Variants in SERAC1 observed in about 807,000 individuals in gnomAD.
SERAC1 encodes the protein protein SERAC1.
Under a neutral mutation model 85.7 loss-of-function variants are expected in SERAC1, and 36 were observed. The observed-to-expected ratio is 0.42, with a 90% CI of 0.32 to 0.55. SERAC1 has a LOEUF of 0.55. Ranked by LOEUF, SERAC1 falls within the 20% of genes least tolerant of loss-of-function variation. The pLI is 0.11. For missense variants in SERAC1, 629 were observed against 796.2 expected (o/e 0.79, Z 2.53); for synonymous variants, 242 against 265.3 (o/e 0.91, Z 0.85).
intron 1 of SERAC1, among the ~76,000 whole-genome samples, chr6:158,163,247 G>C (rs981219157): frequency 2.6e-5 from 4 of 152,130 alleles, no homozygotes; most frequent in African/African-American, 9.7e-5. Flanking sequence ...TAGCCTTTGG[G>C]ATGGTTTATA....
Position 158,141,975 on chromosome 6 carries a change from T to A in SERAC1, c.738+1081A>T, listed in dbSNP as rs140421204. 9.4e-3 allele frequency among the ~76,000 whole-genome samples: 1,405 copies of A among 150,054 alleles called. 25 individuals carry two copies. Among genetic ancestry groups the A allele is most frequent in the African/African-American group, 0.033 (1,305 of 39,626 alleles). ...TAATTGGTCAAAGAATATAAAACAC[T>A]GATTTTTTTTTTTTTACTGACAAAA... On this transcript the variant is annotated intron_variant, in intron 8 of 16. Coordinates refer to ENST00000647468, the MANE Select transcript of SERAC1 (RefSeq NM_032861.4).
At position 158,120,549 on chromosome 6, in the gene SERAC1, T is replaced by C. The variant is rs771747751; in HGVS notation, c.1042A>G (p.Met348Val). 5.0e-6 allele frequency: 8 copies of C among 1,613,888 alleles called. No homozygotes were observed. The highest frequency in any genetic ancestry group is 1.1e-5 in the South Asian group (1 of 91,058). The change falls in exon 11 of 17, where the codon ATG becomes GTG. Residue 348 changes from methionine to valine, a missense_variant. Met to Val is a conservative substitution (Grantham distance 21). Coordinates refer to ENST00000647468, the MANE Select transcript of SERAC1 (RefSeq NM_032861.4). This position sits in a 1 kb window ranked among gnomAD's most constrained non-coding sequence, Gnocchi z 4.4. ...GACTCCATAATGTGGGGAGATTTCA[T>C]TGCTTCTGCCATGATGGAAACCCAG... ...SGWVSIMAEA[M>V]KSPHIMESSH...
At chr6:158,145,487 C>A (rs1475384839) in intron 6 of SERAC1, 4 of 150,956 alleles carry the variant, frequency 2.6e-5, no homozygotes, top group Admixed American at 1.3e-4. Flanking sequence ...TTGCAGAGAT[C>A]TCATTCTGAG....
rs749475334 is a variant in SERAC1, at chr6:158,119,050, T to C, written c.1287A>G (p.Arg429=). The C allele has an allele frequency of 4.3e-6, 7 of 1,613,352 alleles. No homozygotes were observed. The South Asian group carries it at 7.7e-5, about 18-fold the overall frequency. The change falls in exon 12 of 17, where the codon AGA becomes AGG. Residue 429 remains arginine, a synonymous_variant. Transcript: ENST00000647468. The surrounding 1 kb of genome is among the most constrained non-coding windows in gnomAD (Gnocchi z 4.5). The part of the protein sequence containing the change: ...VIEKPMEDED[R]YTTCWPKTWL... ...TTACCTTGGGCCAGCACGTCGTATA[T>C]CTGTCTTCATCCTCCATAGGTTTTT...
At chr6:158,153,054 A>C (rs557086702) in intron 3 of SERAC1, among the ~76,000 whole-genome samples, 28 of 152,164 alleles carry the variant, frequency 1.8e-4, no homozygotes, top group Non-Finnish European at 3.1e-4. Flanking sequence ...AGAAACCCAC[A>C]ATGTGTCCCT....
At chr6:158,163,441 T>C (rs955771428) in intron 1 of SERAC1, among the ~76,000 whole-genome samples, 3 of 152,204 alleles carry the variant, frequency 2.0e-5, no homozygotes, top group Non-Finnish European at 4.4e-5. Flanking sequence ...CTCATGCCTA[T>C]AATCCCAGTG....
At chr6:158,126,329 A>G (rs1784538586) in intron 10 of SERAC1, among the ~76,000 whole-genome samples, 1 of 152,204 alleles carries the variant, frequency 6.6e-6, no homozygotes, top group Non-Finnish European at 1.5e-5. Context: ...TGCCTCCCCA[A>G]AATAATGTGG....
At position 158,114,736 on chromosome 6, in the gene SERAC1, T is replaced by C. The variant is rs558658445; in HGVS notation, c.1684+53A>G. The C allele has an allele frequency of 6.2e-6, 10 of 1,606,750 alleles. No homozygotes were observed. The African/African-American group carries it at 1.3e-4, about 22-fold the overall frequency. ...AAGGAAGAAACTTTTTCTTCTTCTC[T>C]GTGTAACTGATGTTAATATAACCCC... On this transcript the variant is annotated intron_variant, in intron 15 of 16. Coordinates refer to ENST00000647468, the MANE Select transcript of SERAC1 (RefSeq NM_032861.4).
At chr6:158,122,129 T>A (rs1784436524) in intron 10 of SERAC1, among the ~76,000 whole-genome samples, 1 of 152,238 alleles carries the variant, frequency 6.6e-6, no homozygotes, top group Non-Finnish European at 1.5e-5. Context: ...TCTACAGTGT[T>A]CAGTACAGTA....
rs752188907 is a variant in SERAC1, at chr6:158,144,341, A to G, written c.567T>C (p.Leu189=). ...AAGGAGGTGGTAGGAGAAAAAAGCGAAGATCACTCTCTTCGCTTCGTGCCA... is the reference window on the plus strand; with the variant it reads ...AAGGAGGTGGTAGGAGAAAAAAGCGGAGATCACTCTCTTCGCTTCGTGCCA... ...IGLARSEESD[L]RFFLLPPPLP... Residue 189 remains leucine, a synonymous_variant, in exon 7 of 17, where the codon CTT becomes CTC. Transcript: ENST00000647468. 1.2e-6 allele frequency: 2 copies of G among 1,613,430 alleles called. No homozygotes were observed. Among genetic ancestry groups the G allele is most frequent in the African/African-American group, 2.7e-5 (2 of 74,926 alleles).
chr6:158,166,900 T>A (rs539813156), intron 1 of SERAC1, among the ~76,000 whole-genome samples: 45 of 152,290 alleles, frequency 3.0e-4, no homozygotes, highest in African/African-American at 1.0e-3. Flanking sequence ...ATGGTACTTA[T>A]TCCTTAACTG....
intron 9 of SERAC1, among the ~76,000 whole-genome samples, chr6:158,130,133 T>A (rs1784641583): frequency 6.6e-6 from 1 of 152,260 alleles, no homozygotes; most frequent in Non-Finnish European, 1.5e-5. Context: ...GATGATAGGC[T>A]GCTTTCTTTT....
chr6:158,147,543 G>A (rs1236796933), intron 5 of SERAC1, among the ~76,000 whole-genome samples: 28 of 150,540 alleles, frequency 1.9e-4, no homozygotes, highest in African/African-American at 6.1e-4. Context: ...GGCGGATCAC[G>A]AGGTCAGGAG....
In SERAC1 at chr6:158,120,526, C is replaced by T. The variant is rs1177329334; in HGVS notation, c.1065G>A (p.Glu355=). 1 of 1,613,998 alleles carries T rather than the reference C, an allele frequency of 6.2e-7. No homozygotes were observed. Among genetic ancestry groups the T allele is most frequent in the Non-Finnish European group, 8.5e-7 (1 of 1,179,960 alleles). The change falls in exon 11 of 17, where the codon GAG becomes GAA. Residue 355 remains glutamate, a synonymous_variant. Coordinates refer to ENST00000647468, the MANE Select transcript of SERAC1 (RefSeq NM_032861.4). This position sits in a 1 kb window ranked among gnomAD's most constrained non-coding sequence, Gnocchi z 4.4. ...CCAGGATTCTGGCAGCGTGTGAGGA[C>T]TCCATAATGTGGGGAGATTTCATTG... The part of the protein sequence containing the change: ...AEAMKSPHIM[E]SSHAARILAN...
chr6:158,114,479 G>T, intron 15 of SERAC1: 1 of 1,130,876 alleles, frequency 8.8e-7, no homozygotes, highest in African/African-American at 1.6e-5. Context: ...ACTCATGGGG[G>T]AAAAAAGCCA....
intron 8 of SERAC1, among the ~76,000 whole-genome samples, chr6:158,141,779 T>C (rs149661177): frequency 4.1e-4 from 63 of 152,328 alleles, no homozygotes; most frequent in African/African-American, 1.3e-3. Context: ...GAAAGGGCTA[T>C]AGAGGCCAGA....
At chr6:158,140,428 G>A (rs919559739) in intron 8 of SERAC1, among the ~76,000 whole-genome samples, 3 of 152,232 alleles carry the variant, frequency 2.0e-5, no homozygotes, top group Non-Finnish European at 4.4e-5. Context: ...AACCCGTGGA[G>A]ATGTCTGGAG....
At chr6:158,128,355 A>AG (rs1784596006) in intron 9 of SERAC1, 85 bp from the exon 10 acceptor site, 1 of 1,353,040 alleles carries the variant, frequency 7.4e-7, no homozygotes. Context: ...GGGGACAGCT[A>AG]GGTAGCTCCC....
chr6:158,124,417 G>C (rs1464563700), intron 10 of SERAC1, among the ~76,000 whole-genome samples: 1 of 152,144 alleles, frequency 6.6e-6, no homozygotes, highest in Non-Finnish European at 1.5e-5. Flanking sequence ...TGGCAGGAAA[G>C]TTTCTACATT....
Sources: allele counts gnomAD v4.1 joint callset (sites outside exome capture counted in the v4.1 genomes callset), GRCh38; gene constraint gnomAD v4.1.1; non-coding constraint Gnocchi (gnomAD v3.1); transcripts MANE v1.5; gene names NCBI Gene and HGNC (gene_info 2026-07-23, HGNC 2026-07-21).